The following ANO3 variants were observed in gnomAD, a reference collection of about 807,000 sequenced individuals.
The protein encoded by ANO3 is anoctamin 3, also known as anoctamin-3.
In ANO3, 99 loss-of-function variants were observed where a neutral mutation model predicts 144.8. That is an observed-to-expected ratio of 0.68 (90% CI 0.58 to 0.81). The LOEUF (loss-of-function observed/expected upper bound fraction) is 0.81. Among genes scored for constraint, ANO3 ranks in the 30% least tolerant of loss-of-function variants. The pLI is 0.00. For missense variants in ANO3, 905 were observed against 1,202.2 expected (o/e 0.75, Z 3.66); for synonymous variants, 414 against 392.6 (o/e 1.05, Z -0.64).
At chr11:26,493,408 A>C (rs764118209) in intron 4 of ANO3, among the ~76,000 whole-genome samples, 4 of 152,148 alleles carry the variant, frequency 2.6e-5, no homozygotes, top group Non-Finnish European at 5.9e-5. Flanking sequence ...AATATTGGCT[A>C]AAAGATAAGC....
chr11:26,210,821 C>T (rs911274289), intron 1 of ANO3, among the ~76,000 whole-genome samples: 7 of 152,022 alleles, frequency 4.6e-5, no homozygotes, highest in South Asian at 2.1e-4. Flanking sequence ...GTGATTTTTG[C>T]GCATTGATTT....
chr11:26,395,809 G>T (rs148198753), intron 1 of ANO3, among the ~76,000 whole-genome samples: 105 of 152,198 alleles, frequency 6.9e-4, no homozygotes, highest in Non-Finnish European at 1.3e-3. Context: ...ATAGATTAAA[G>T]ACTTAAACGT....
In ANO3 at chr11:26,380,838, C is replaced by T. The variant is rs555557676; in HGVS notation, c.46+48517C>T. 8.6e-5 allele frequency among the ~76,000 whole-genome samples: 13 copies of T among 152,030 alleles called. No homozygotes were observed. In the East Asian group the frequency reaches 1.2e-3, roughly 14 times the overall value. ...CTCTACTAAAAATACAAAAATTAGC[C>T]GGTTGTGGTGGTGTGTGCCTGTAAT... is the stretch of plus-strand genomic sequence containing the variant. On this transcript the variant is annotated intron_variant, in intron 1 of 26. Coordinates refer to ENST00000256737, the MANE Select transcript of ANO3 (RefSeq NM_031418.4).
Position 26,660,642 on chromosome 11 carries a change from T to TA in ANO3, c.*203dup, listed in dbSNP as rs1055008466. The TA allele has an allele frequency of 1.4e-5, 7 of 516,914 alleles. No individual in the cohort carries two copies. The Admixed American group carries it at 2.8e-4, about 21-fold the overall frequency. 32.0% of individuals were successfully genotyped at this position (516,914 alleles called of 1,614,324 possible). ...GAAGAAAACAATGACTTGACGACCTTAAAAAGGGTTAGATTGACATTGCAG... is the reference window on the plus strand; with the variant it reads ...GAAGAAAACAATGACTTGACGACCTTAAAAAAGGGTTAGATTGACATTGCAG... On this transcript the variant is annotated 3_prime_UTR_variant, in exon 27 of 27. Coordinates refer to ENST00000256737, the MANE Select transcript of ANO3 (RefSeq NM_031418.4).
chr11:26,194,141 CTTA>C (rs530320218), intron 1 of ANO3, among the ~76,000 whole-genome samples: 422 of 152,272 alleles, frequency 2.8e-3, no homozygotes, highest in African/African-American at 4.8e-3. Context: ...GGTGAGGTCA[CTTA>C]TTATAATGGT....
chr11:26,239,380 G>A (rs940662387), intron 1 of ANO3, among the ~76,000 whole-genome samples: 3 of 152,032 alleles, frequency 2.0e-5, no homozygotes, highest in Admixed American at 6.6e-5. Flanking sequence ...TTTGAAAATG[G>A]ATCATAACTG....
Position 26,660,627 on chromosome 11 carries a change from A to T in ANO3, c.*183A>T, listed in dbSNP as rs1216045459. The T allele has an allele frequency of 7.1e-6, 4 of 562,564 alleles. No individual in the cohort carries two copies. Among genetic ancestry groups the T allele is most frequent in the Admixed American group, 7.7e-5 (2 of 25,958 alleles). The allele number at this position is 562,564 out of a possible 1,614,324, so 34.8% of individuals were successfully genotyped here. ...ATCCAGACTTGTAGGGAAGAAAACA[A>T]TGACTTGACGACCTTAAAAAGGGTT... On this transcript the variant is annotated 3_prime_UTR_variant, in exon 27 of 27. Coordinates refer to ENST00000256737, the MANE Select transcript of ANO3 (RefSeq NM_031418.4).
At chr11:26,326,068 G>A (rs1304191705) in intron 1 of ANO3, among the ~76,000 whole-genome samples, 2 of 152,032 alleles carry the variant, frequency 1.3e-5, no homozygotes, top group African/African-American at 2.4e-5. Flanking sequence ...ATTTTTTTCA[G>A]TTTCAAATCT....
At chr11:26,191,327 T>C (rs953569921) in intron 1 of ANO3, among the ~76,000 whole-genome samples, 5 of 145,522 alleles carry the variant, frequency 3.4e-5, no homozygotes, top group African/African-American at 7.6e-5. Context: ...CATATATATA[T>C]ACACACATAC....
At chr11:26,410,577 A>G (rs1377056889) in intron 1 of ANO3, among the ~76,000 whole-genome samples, 2 of 152,018 alleles carry the variant, frequency 1.3e-5, no homozygotes, top group African/African-American at 4.8e-5. Flanking sequence ...TTGTAGAAAC[A>G]TCTTTAGTTT....
At chr11:26,574,979 T>G (rs1850949255) in intron 14 of ANO3, among the ~76,000 whole-genome samples, 1 of 152,114 alleles carries the variant, frequency 6.6e-6, no homozygotes, top group Non-Finnish European at 1.5e-5. Flanking sequence ...AAAATAACTT[T>G]AAAGGATAGA....
intron 10 of ANO3, among the ~76,000 whole-genome samples, chr11:26,539,061 G>T (rs569548832): frequency 2.6e-5 from 4 of 151,756 alleles, no homozygotes; most frequent in Non-Finnish European, 5.9e-5. Context: ...AAAGGACAGT[G>T]GCTAGAGGGA....
chr11:26,393,584 T>C (rs527408630), intron 1 of ANO3, among the ~76,000 whole-genome samples: 4 of 152,178 alleles, frequency 2.6e-5, no homozygotes, highest in Non-Finnish European at 5.9e-5. Context: ...TTTTGATCAG[T>C]TCTAATTGAT....
chr11:26,654,695 G>A (rs1853629982), intron 24 of ANO3, among the ~76,000 whole-genome samples: 1 of 152,062 alleles, frequency 6.6e-6, no homozygotes, highest in South Asian at 2.1e-4. Context: ...TTCAACATAT[G>A]AAGCATTTCA....
intron 1 of ANO3, among the ~76,000 whole-genome samples, chr11:26,254,270 A>G (rs1308173444): frequency 6.6e-6 from 1 of 152,142 alleles, no homozygotes; most frequent in Non-Finnish European, 1.5e-5. Context: ...GAGAGCCTAA[A>G]TAGTTTAGGA....
rs1482428647 is a variant in ANO3, at chr11:26,295,512, T to C, written c.155-14133T>C. Reference sequence around the variant, plus strand: ...GCCTGGGCGATAGAGTGAGACTCTGTCTCAAAAAAAAAAAAAAAAAAAAAA... The same window carrying C: ...GCCTGGGCGATAGAGTGAGACTCTGCCTCAAAAAAAAAAAAAAAAAAAAAA... On this transcript the variant is annotated intron_variant, in intron 1 of 27. Coordinates refer to the ANO3 transcript ENST00000672621. Among the ~76,000 whole-genome samples the C allele has an allele frequency of 3.1e-5, 3 of 98,350 alleles. No individual in the cohort carries two copies. The South Asian group carries it at 9.4e-4, about 31-fold the overall frequency. The allele number at this position is 98,350 out of a possible 152,430, so 64.5% of individuals were successfully genotyped here.
At chr11:26,509,674 A>C (rs1590435865) in intron 5 of ANO3, among the ~76,000 whole-genome samples, 2 of 152,236 alleles carry the variant, frequency 1.3e-5, no homozygotes, top group South Asian at 2.1e-4. Flanking sequence ...GGAAAAAAAA[A>C]CTGTTTTTGA....
At chr11:26,502,923 C>G (rs1220795855) in intron 4 of ANO3, among the ~76,000 whole-genome samples, 1 of 151,610 alleles carries the variant, frequency 6.6e-6, no homozygotes, top group Non-Finnish European at 1.5e-5. Context: ...AAAGAGTACC[C>G]TAAAACAGGT....
chr11:26,222,285 A>G (rs11601216), intron 1 of ANO3, among the ~76,000 whole-genome samples: 46,057 of 152,202 alleles, frequency 0.3, 7,714 homozygotes, highest in Non-Finnish European at 0.37. Context: ...TCCATATACC[A>G]CATCCAGTGC....
Sources: gnomAD v4.1 joint callset for allele counts (sites outside exome capture counted in the v4.1 genomes callset) on GRCh38, gnomAD v4.1.1 for gene constraint, MANE v1.5 for transcripts, NCBI Gene and HGNC (gene_info 2026-07-23, HGNC 2026-07-21) for gene names.